Variants in GLI2 observed in about 807,000 individuals in gnomAD.
GLI2 encodes GLI family zinc finger 2, also known as transcription activator GLI2.
In GLI2, 22 loss-of-function variants were observed where a neutral mutation model predicts 78.9. The ratio of observed to expected loss-of-function variants is 0.28; its 90% CI spans 0.20 to 0.40. GLI2 has a LOEUF of 0.40. Among genes scored for constraint, GLI2 ranks in the 10% least tolerant of loss-of-function variants. The pLI is 1.00. For synonymous variants in GLI2, 974 were observed against 963.7 expected, an observed-to-expected ratio of 1.01 and a Z score of -0.20; for missense variants, 2,097 against 2,213.2, an observed-to-expected ratio of 0.95 and a Z score of 1.05.
At chr2:120,878,892 C>T (rs1028663146) in intron 2 of GLI2, among the ~76,000 whole-genome samples, 106 of 151,930 alleles carry the variant, frequency 7.0e-4, no homozygotes, top group African/African-American at 2.5e-3. Flanking sequence ...CACACCACTG[C>T]ACTCCAGCCT....
At chr2:120,836,699 T>C (rs1324049273) in intron 2 of GLI2, among the ~76,000 whole-genome samples, 1 of 152,230 alleles carries the variant, frequency 6.6e-6, no homozygotes. Context: ...TGTGTGTGCC[T>C]GTGTGTGTGC....
chr2:120,811,914 G>A (rs904567219), intron 2 of GLI2, among the ~76,000 whole-genome samples: 4 of 151,966 alleles, frequency 2.6e-5, no homozygotes, highest in South Asian at 2.1e-4. Flanking sequence ...ACTATGCGCC[G>A]GGCAGTGTAG....
At chr2:120,882,452 G>A (rs1573532928) in intron 2 of GLI2, among the ~76,000 whole-genome samples, 1 of 152,250 alleles carries the variant, frequency 6.6e-6, no homozygotes, top group South Asian at 2.1e-4. Flanking sequence ...TGAAATGTAG[G>A]TGTGTGTCCC....
At chr2:120,893,015 C>A (rs1011799121) in intron 2 of GLI2, among the ~76,000 whole-genome samples, 1 of 152,198 alleles carries the variant, frequency 6.6e-6, no homozygotes, top group East Asian at 1.9e-4. Context: ...GAGGAGTGAC[C>A]GCCAGTGTGA....
chr2:120,876,701 G>A (rs911609130), intron 2 of GLI2, among the ~76,000 whole-genome samples: 2 of 152,042 alleles, frequency 1.3e-5, no homozygotes, highest in African/African-American at 4.8e-5. Context: ...CTCCACTGGG[G>A]CTTTGTGTGC....
At chr2:120,794,246 G>A (rs7605011) in intron 1 of GLI2, among the ~76,000 whole-genome samples, 27,689 of 152,150 alleles carry the variant, frequency 0.18, 4,494 homozygotes, top group African/African-American at 0.43. Context: ...GAGTTCATCA[G>A]ACACAGAAAG....
intron 2 of GLI2, among the ~76,000 whole-genome samples, chr2:120,864,475 C>CT (rs1190987926): frequency 2.5e-4 from 38 of 149,802 alleles, no homozygotes; most frequent in East Asian, 5.9e-4. Flanking sequence ...CCCACCCTCT[C>CT]TTTTTTTTTT....
chr2:120,915,116 G>A (rs1299389395), intron 2 of GLI2, among the ~76,000 whole-genome samples: 3 of 152,240 alleles, frequency 2.0e-5, no homozygotes, highest in Non-Finnish European at 2.9e-5. Flanking sequence ...CAGGAGACCA[G>A]TCTCAGAACT....
At chr2:120,931,076 G>A (rs1216159649) in intron 3 of GLI2, among the ~76,000 whole-genome samples, 2 of 152,260 alleles carry the variant, frequency 1.3e-5, no homozygotes, top group Non-Finnish European at 2.9e-5. Flanking sequence ...TAAGGCTGCT[G>A]TAACTAATTA....
At chr2:120,764,913 C>T (rs1239625489) in intron 1 of GLI2, among the ~76,000 whole-genome samples, 2 of 152,190 alleles carry the variant, frequency 1.3e-5, no homozygotes, top group Non-Finnish European at 2.9e-5. Context: ...TGTGTTAGCT[C>T]TGCCTTTGTG....
intron 2 of GLI2, among the ~76,000 whole-genome samples, chr2:120,880,490 C>G (rs1430883097): frequency 2.0e-5 from 3 of 152,172 alleles, no homozygotes; most frequent in Admixed American, 6.5e-5. Context: ...CAGACAAGGG[C>G]TCTCTTTCCA....
chr2:120,969,802 G>A (rs898983313), intron 6 of GLI2, among the ~76,000 whole-genome samples: 8 of 152,174 alleles, frequency 5.3e-5, no homozygotes, highest in Non-Finnish European at 7.3e-5. Flanking sequence ...CATGGCAGAC[G>A]GGTCCCAGCC....
intron 2 of GLI2, among the ~76,000 whole-genome samples, chr2:120,881,066 A>G (rs1367468518): frequency 6.6e-6 from 1 of 152,204 alleles, no homozygotes. Flanking sequence ...CTAACCTTAT[A>G]AGATGGTCGG....
chr2:120,919,979 C>T (rs1679290367), intron 2 of GLI2, among the ~76,000 whole-genome samples: 1 of 152,234 alleles, frequency 6.6e-6, no homozygotes, highest in African/African-American at 2.4e-5. Flanking sequence ...CAAGGCTGGG[C>T]CTCACCTTCC....
Position 120,990,552 on chromosome 2 carries a change from C to T in GLI2, c.4587C>T (p.Thr1529=), listed in dbSNP as rs1243664766. The T allele has an allele frequency of 2.5e-6, 4 of 1,614,114 alleles. No homozygotes were observed. The highest frequency in any genetic ancestry group is 3.3e-5 in the Admixed American group (2 of 60,024). ...SLSQNSSRLT[T]PRNSLTLPSI... is the part of the protein sequence containing the mutation. ...CCCAGAACTCCTCCCGCCTCACCAC[C>T]CCCCGAAACTCCTTGACCCTGCCCT... is the stretch of plus-strand genomic sequence containing the variant. The change falls in exon 14 of 14, where the codon ACC becomes ACT. Residue 1529 remains threonine (T), a synonymous_variant. Coordinates refer to ENST00000361492, the MANE Select transcript of GLI2 (RefSeq NM_001374353.1).
At chr2:120,951,211 CCTT>C (rs748092148) in intron 3 of GLI2, 29 bp from the exon 4 acceptor site, 4 of 1,316,334 alleles carry the variant, frequency 3.0e-6, no homozygotes, top group Admixed American at 1.7e-5. Flanking sequence ...TCTGTGTCCT[CCTT>C]CTTAGACGGC....
chr2:120,767,371 C>T (rs1276249267), intron 1 of GLI2, among the ~76,000 whole-genome samples: 5 of 139,128 alleles, frequency 3.6e-5, no homozygotes. Context: ...GGGGCGGGGG[C>T]GGGTGGCAAG....
At chr2:120,886,586 G>T (rs1358335568) in intron 2 of GLI2, among the ~76,000 whole-genome samples, 2 of 152,188 alleles carry the variant, frequency 1.3e-5, no homozygotes, top group African/African-American at 2.4e-5. Context: ...TTATGAAAGG[G>T]AGTGGCAGGG....
intron 5 of GLI2, among the ~76,000 whole-genome samples, chr2:120,966,429 C>G (rs1163381276): frequency 1.3e-5 from 2 of 152,244 alleles, no homozygotes; most frequent in Non-Finnish European, 2.9e-5. Flanking sequence ...GTCTCCATCC[C>G]TCTACCCAGA....
Sources: gnomAD v4.1 joint callset for allele counts (sites outside exome capture counted in the v4.1 genomes callset) on GRCh38, gnomAD v4.1.1 for gene constraint, MANE v1.5 for transcripts, NCBI Gene and HGNC (gene_info 2026-07-23, HGNC 2026-07-21) for gene names.